Variants in KDM2B observed in about 807,000 individuals in gnomAD.
KDM2B encodes the protein lysine-specific demethylase 2B.
KDM2B carries 26 observed loss-of-function variants against 150.0 expected under a neutral mutation model. The ratio of observed to expected loss-of-function variants is 0.17; its 90% CI spans 0.13 to 0.24. KDM2B has a LOEUF of 0.24. KDM2B is among the 10% of genes least tolerant of loss of function. The pLI, the probability that KDM2B is intolerant of heterozygous loss-of-function variation, is 1.00. For missense variants in KDM2B, 1,265 were observed against 1,816.9 expected (o/e 0.70, Z 5.52); for synonymous variants, 734 against 729.5 (o/e 1.01, Z -0.10).
In KDM2B at chr12:121,468,680, G is replaced by C. The variant is rs782505907; in HGVS notation, c.1735-15336C>G. 29 of 152,250 alleles carry C rather than the reference G, an allele frequency of 1.9e-4. No homozygotes were observed. Among genetic ancestry groups the C allele is most frequent in the Admixed American group, 1.7e-3 (26 of 15,278 alleles). 9.4% of individuals were successfully genotyped at this position (152,250 alleles called of 1,614,324 possible). On this transcript the variant is annotated intron_variant, in intron 12 of 22. Coordinates refer to ENST00000377071, the MANE Select transcript of KDM2B (RefSeq NM_032590.5). This position sits in a 1 kb window ranked among gnomAD's most constrained non-coding sequence, Gnocchi z 4.0. The stretch of plus-strand genomic sequence containing the variant: ...AATCCAGTGAGAACAGAAGGGATGG[G>C]CAGGCTGGTCCTGGCCTGGCCTTTC...
chr12:121,436,403 C>T (rs1873983578), intron 22 of KDM2B, among the ~76,000 whole-genome samples: 1 of 152,030 alleles, frequency 6.6e-6, no homozygotes, highest in Non-Finnish European at 1.5e-5. Flanking sequence ...CACCTGTAGT[C>T]CCAGCTACTC....
chr12:121,415,509 G>A, the KDM2B span, among the ~76,000 whole-genome samples: 2 of 151,970 alleles, frequency 1.3e-5, no homozygotes, highest in Non-Finnish European at 2.9e-5. Flanking sequence ...CTAGTTACTC[G>A]GGAGGCTGAG....
At chr12:121,457,652 T>A (rs1335381550) in intron 12 of KDM2B, among the ~76,000 whole-genome samples, 1 of 151,018 alleles carries the variant, frequency 6.6e-6, no homozygotes, top group Non-Finnish European at 1.5e-5. Flanking sequence ...CGAACCAGCA[T>A]CCCCAACACC....
chr12:121,483,375 C>T (rs1882372970), intron 12 of KDM2B, among the ~76,000 whole-genome samples: 1 of 150,938 alleles, frequency 6.6e-6, no homozygotes, highest in Admixed American at 6.6e-5. Flanking sequence ...CAGAGTAGAC[C>T]GGTATTAGGC....
chr12:121,536,174 G>T, intron 6 of KDM2B: 1 of 856,082 alleles, frequency 1.2e-6, no homozygotes, highest in Non-Finnish European at 1.4e-6. Flanking sequence ...GGCTCCTGGT[G>T]CCCCCTCCCT....
In KDM2B at chr12:121,532,654, G is replaced by A. The variant is rs1209828318; in HGVS notation, c.931+152C>T. 6.7e-6 allele frequency: 5 copies of A among 750,316 alleles called. No individual in the cohort carries two copies. The African/African-American group carries it at 7.0e-5, about 11-fold the overall frequency. The allele number at this position is 750,316 out of a possible 1,614,324, so 46.5% of individuals were successfully genotyped here. A position where few individuals can be genotyped will look rare whatever the true frequency, so the allele number is the denominator to read the frequency against. ...GTGGGATGTGAGGGGAAAACTGCAC[G>A]GCTTTTCCCTCCAGCCCACGGCTGG... On this transcript the variant is annotated intron_variant, in intron 8 of 22. Transcript: ENST00000377071.
chr12:121,442,635 G>A lies in KDM2B; in HGVS notation c.2806C>T (p.Arg936Cys), dbSNP rs1276799424. ...TTGTTGGGAAGCCGCCGCTTCCGGC[G>A]CATCTTCACCTTCTTCTTCTCCTCC... ...GPEEKKKVKM[R>C]RKRRLPNKEL... The change falls in exon 19 of 23, where the codon CGC (arginine) becomes TGC (cysteine). Residue 936 changes from arginine (R) to cysteine (C), a missense_variant. Physicochemically the swap from Arg to Cys is radical, Grantham distance 180. This residue lies in a region of KDM2B where 418 missense variants were observed against 402.4 expected (regional missense o/e 1.04). Coordinates refer to ENST00000377071, the MANE Select transcript of KDM2B (RefSeq NM_032590.5). The surrounding 1 kb of genome is among the most constrained non-coding windows in gnomAD (Gnocchi z 7.7). The A allele has an allele frequency of 1.0e-5, 16 of 1,603,732 alleles. No homozygotes were observed. The highest frequency in any genetic ancestry group is 1.4e-5 in the Non-Finnish European group (16 of 1,178,768).
intron 11 of KDM2B, among the ~76,000 whole-genome samples, chr12:121,503,289 G>GT (rs77145802): frequency 0.02 from 2,856 of 142,032 alleles, 77 homozygotes; most frequent in African/African-American, 0.061. Context: ...GTGGTGTTTT[G>GT]TTTTTTTTTT....
intron 1 of KDM2B, chr12:121,580,328 G>A (rs1262373969): frequency 6.2e-6 from 7 of 1,132,148 alleles, no homozygotes; most frequent in African/African-American, 1.7e-5. Flanking sequence ...GCCCGCGGCC[G>A]GGCTATTTGG....
chr12:121,483,245 A>G (rs563836384), intron 12 of KDM2B, among the ~76,000 whole-genome samples: 53 of 152,188 alleles, frequency 3.5e-4, no homozygotes, highest in African/African-American at 1.2e-3. Flanking sequence ...CCTGGGCAAC[A>G]GTGCAAGACT....
chr12:121,430,226 T>C lies in KDM2B; in HGVS notation c.*62A>G. 6.2e-7 allele frequency: 1 copy of C among 1,614,132 alleles called. No individual in the cohort carries two copies. Among genetic ancestry groups the C allele is most frequent in the South Asian group, 1.1e-5 (1 of 91,090 alleles). ...CGTTCCAAATGGAAAATAAAAGCCC[T>C]CATTTTTGTAAAGTCTCTCCCCTCC... On this transcript the variant is annotated 3_prime_UTR_variant, in exon 23 of 23. Transcript: ENST00000377071. The surrounding 1 kb of genome is among the most constrained non-coding windows in gnomAD (Gnocchi z 4.4).
rs537443528 is a variant in KDM2B at position 121,454,314 on chromosome 12, C to T, written c.1735-970G>A. Among the ~76,000 whole-genome samples, 180 of 152,340 alleles carry T rather than the reference C, an allele frequency of 1.2e-3. 1 individual carries two copies. The highest frequency in any genetic ancestry group is 3.9e-3 in the African/African-American group (163 of 41,578). ...ACCCCAGGGAGGATGGGATAGTAAC[C>T]TTTAGGTCCCTGACTACTCAGATCT... On this transcript the variant is annotated intron_variant, in intron 12 of 22. Coordinates refer to ENST00000377071, the MANE Select transcript of KDM2B (RefSeq NM_032590.5).
At position 121,453,279 on chromosome 12, in the gene KDM2B, G is replaced by C; in HGVS notation, c.1800C>G (p.Asn600Lys). Residue 600 changes from asparagine to lysine, a missense_variant, in exon 13 of 23, where the codon AAC becomes AAG. By Grantham distance (94) the Asn-to-Lys change is moderately conservative. Coordinates refer to ENST00000377071, the MANE Select transcript of KDM2B (RefSeq NM_032590.5). The surrounding 1 kb of genome is among the most constrained non-coding windows in gnomAD (Gnocchi z 6.4). The part of the protein sequence containing the change: ...GPASAVKLAA[N>K]RTTAGARRRR... ...GCCGCCGAGCTCCTGCCGTTGTCCG[G>C]TTGGCGGCCAACTTCACCGCGGAGG... 6.2e-7 allele frequency: 1 copy of C among 1,607,106 alleles called. No homozygotes were observed. The highest frequency in any genetic ancestry group is 8.5e-7 in the Non-Finnish European group (1 of 1,177,018).
chr12:121,428,898 T>A (rs1487338166), downstream of KDM2B, among the ~76,000 whole-genome samples: 1 of 152,238 alleles, frequency 6.6e-6, no homozygotes, highest in Non-Finnish European at 1.5e-5. Context: ...GAATTAATTC[T>A]GTGTGGTAAG....
intron 12 of KDM2B, among the ~76,000 whole-genome samples, chr12:121,456,196 T>C (rs1440879669): frequency 2.6e-5 from 4 of 152,226 alleles, no homozygotes; most frequent in Non-Finnish European, 5.9e-5. Flanking sequence ...AGCAAATGCA[T>C]GTGCGAAGTG....
At chr12:121,411,370 TAC>T in the KDM2B span, among the ~76,000 whole-genome samples, 6 of 152,238 alleles carry the variant, frequency 3.9e-5, no homozygotes, top group African/African-American at 1.2e-4. Flanking sequence ...AATTGGTATC[TAC>T]ACAGAGAATC....
chr12:121,421,380 A>AAAAC, the KDM2B span, among the ~76,000 whole-genome samples: 19 of 144,492 alleles, frequency 1.3e-4, no homozygotes, highest in South Asian at 2.3e-4. Flanking sequence ...CTAAAAAAAA[A>AAAAC]AAAAAAAAAA....
chr12:121,424,016 C>T, the KDM2B span: 2 of 156,184 alleles, frequency 1.3e-5, no homozygotes, highest in Non-Finnish European at 2.8e-5. Flanking sequence ...AGTGGCTCCT[C>T]TGAATGTTCA....
intron 1 of KDM2B, 77 bp from the exon 2 acceptor site, chr12:121,579,023 T>A: frequency 1.3e-6 from 2 of 1,484,146 alleles, no homozygotes; most frequent in Non-Finnish European, 1.8e-6. Flanking sequence ...GGCCCAGCAC[T>A]AACAGGTGCA....
Sources: gnomAD v4.1 joint callset for allele counts (sites outside exome capture counted in the v4.1 genomes callset) on GRCh38, gnomAD v4.1.1 for gene constraint, gnomAD v4.1.1 regional missense constraint, Gnocchi (gnomAD v3.1) non-coding constraint, MANE v1.5 for transcripts, NCBI Gene and HGNC (gene_info 2026-07-23, HGNC 2026-07-21) for gene names.